Variants in RASGRF2 observed in about 807,000 individuals in gnomAD.
RASGRF2 encodes the protein ras-specific guanine nucleotide-releasing factor 2.
RASGRF2 carries 76 observed loss-of-function variants against 151.0 expected under a neutral mutation model. The ratio of observed to expected loss-of-function variants is 0.50; its 90% confidence interval spans 0.42 to 0.61. The LOEUF is 0.61. Ranked by LOEUF, RASGRF2 falls within the 20% of genes least tolerant of loss-of-function variation. The pLI is 0.00. For synonymous variants in RASGRF2, 504 were observed against 566.5 expected (o/e 0.89, Z 1.57); for missense variants, 1,148 against 1,564.6 (o/e 0.73, Z 4.49).
At chr5:81,052,508 T>A (rs1423874324) in intron 2 of RASGRF2, among the ~76,000 whole-genome samples, 1 of 152,198 alleles carries the variant, frequency 6.6e-6, no homozygotes, top group Admixed American at 6.5e-5. Flanking sequence ...TGATCTCTCT[T>A]AACTAAGATG....
At chr5:80,969,808 T>C (rs1178693937) in intron 1 of RASGRF2, among the ~76,000 whole-genome samples, 1 of 133,136 alleles carries the variant, frequency 7.5e-6, no homozygotes, top group Non-Finnish European at 1.6e-5. Flanking sequence ...CAATAATACT[T>C]CTTCTTCTTT....
intron 2 of RASGRF2, 41 bp from the exon 3 acceptor site, chr5:81,067,991 G>C (rs1348619680): frequency 6.5e-7 from 1 of 1,531,282 alleles, no homozygotes; most frequent in Non-Finnish European, 8.8e-7. Context: ...CTATATAGTA[G>C]AACAATATCT....
intron 1 of RASGRF2, among the ~76,000 whole-genome samples, chr5:81,006,953 C>G (rs933443333): frequency 7.9e-5 from 12 of 152,116 alleles, no homozygotes; most frequent in African/African-American, 2.9e-4. Context: ...TTCCTCGAGT[C>G]CATGGCATTC....
intron 1 of RASGRF2, among the ~76,000 whole-genome samples, chr5:81,039,399 G>T (rs548316190): frequency 6.6e-6 from 1 of 152,136 alleles, no homozygotes; most frequent in South Asian, 2.1e-4. Context: ...TGTATAATTT[G>T]GGCTAAAGAG....
chr5:81,108,706 C>A (rs1309593247), intron 12 of RASGRF2, among the ~76,000 whole-genome samples: 2 of 152,190 alleles, frequency 1.3e-5, no homozygotes, highest in East Asian at 3.8e-4. Flanking sequence ...GGTCAGAATT[C>A]TTGGGAAACA....
At chr5:81,221,938 TTGCACTCCAGCCTA>T (rs913212308) in intron 26 of RASGRF2, among the ~76,000 whole-genome samples, 4 of 151,600 alleles carry the variant, frequency 2.6e-5, no homozygotes, top group South Asian at 2.1e-4. Flanking sequence ...GATTGTGCCA[TTGCACTCCAGCCTA>T]TGCACTCCAG....
chr5:81,104,036 A>C (rs1015669101), intron 12 of RASGRF2, among the ~76,000 whole-genome samples: 2 of 152,118 alleles, frequency 1.3e-5, no homozygotes, highest in Non-Finnish European at 2.9e-5. Flanking sequence ...TAGTAAAATA[A>C]GAAAAGAGGA....
chr5:80,969,970 G>A (rs1747878501), intron 1 of RASGRF2, among the ~76,000 whole-genome samples: 1 of 151,706 alleles, frequency 6.6e-6, no homozygotes, highest in South Asian at 2.1e-4. Context: ...GGGATTACAG[G>A]CATGCACCAC....
intron 1 of RASGRF2, among the ~76,000 whole-genome samples, chr5:81,021,512 T>C (rs1032182836): frequency 4.8e-4 from 73 of 152,146 alleles, no homozygotes; most frequent in African/African-American, 1.7e-3. Flanking sequence ...CTCACTAAAA[T>C]AGTGCCATAG....
In RASGRF2 at chr5:81,163,779, G is replaced by A. The variant is rs545985872; in HGVS notation, c.2687-16396G>A. On this transcript the variant is annotated intron_variant, in intron 17 of 26. Coordinates refer to ENST00000265080, the MANE Select transcript of RASGRF2 (RefSeq NM_006909.3). ...ATCAGAGAGCTAGACTGGCCACTAC[G>A]CTGGGAGGCATTTACTCATTCAAGA... Among the ~76,000 whole-genome samples, 8 of 152,236 alleles carry A rather than the reference G, an allele frequency of 5.3e-5. No homozygotes were observed. In the South Asian group the frequency reaches 8.3e-4, roughly 16 times the overall value.
At chr5:81,197,964 C>T (rs2112707915) in intron 18 of RASGRF2, among the ~76,000 whole-genome samples, 1 of 151,894 alleles carries the variant, frequency 6.6e-6, no homozygotes, top group East Asian at 1.9e-4. Context: ...TTCTTTTTTT[C>T]CCAACATTTA....
At chr5:81,040,636 G>A (rs1750649393) in intron 1 of RASGRF2, among the ~76,000 whole-genome samples, 1 of 151,970 alleles carries the variant, frequency 6.6e-6, no homozygotes, top group Admixed American at 6.6e-5. Flanking sequence ...GACCATGGGG[G>A]CCAAGGCCCC....
intron 17 of RASGRF2, among the ~76,000 whole-genome samples, chr5:81,167,317 C>T (rs969523088): frequency 2.0e-5 from 3 of 152,176 alleles, no homozygotes; most frequent in Non-Finnish European, 4.4e-5. Context: ...GGAGGCCAAC[C>T]AAGACGTAGC....
At chr5:81,062,177 G>C (rs1374174697) in intron 2 of RASGRF2, among the ~76,000 whole-genome samples, 1 of 151,956 alleles carries the variant, frequency 6.6e-6, no homozygotes, top group Non-Finnish European at 1.5e-5. Flanking sequence ...TTAGTCATTT[G>C]TTTATTACAT....
At chr5:80,981,167 TTTG>T (rs1348316890) in intron 1 of RASGRF2, among the ~76,000 whole-genome samples, 11 of 152,194 alleles carry the variant, frequency 7.2e-5, no homozygotes, top group Non-Finnish European at 1.3e-4. Flanking sequence ...CATTAAGACT[TTTG>T]TTGTTGTTCT....
At chr5:81,147,225 A>C (rs7731532) in intron 17 of RASGRF2, among the ~76,000 whole-genome samples, 1 of 152,240 alleles carries the variant, frequency 6.6e-6, no homozygotes, top group African/African-American at 2.4e-5. Flanking sequence ...ATATAGTTTC[A>C]AATTATTTCA....
intron 1 of RASGRF2, among the ~76,000 whole-genome samples, chr5:80,972,490 TTTC>T (rs1432144694): frequency 1.3e-5 from 2 of 152,064 alleles, no homozygotes; most frequent in African/African-American, 4.8e-5. Context: ...TCTCTGTTTT[TTTC>T]TTCTGAGCCA....
At position 81,127,108 on chromosome 5, in the gene RASGRF2, A is replaced by G. The variant is rs756462810; in HGVS notation, c.2631A>G (p.Ser877=). 7 of 1,614,084 alleles carry G rather than the reference A, an allele frequency of 4.3e-6. No homozygotes were observed. The highest frequency in any genetic ancestry group is 5.9e-6 in the Non-Finnish European group (7 of 1,179,972). ...CGGACAATGCCCACTGCTCTGTTTCACCGGCTTCTGCTTTTGCAATAGCCA... is the reference window on the plus strand; with the variant it reads ...CGGACAATGCCCACTGCTCTGTTTCGCCGGCTTCTGCTTTTGCAATAGCCA... ...QTADNAHCSV[S]PASAFAIATA... The change falls in exon 17 of 27, where the codon TCA becomes TCG. Residue 877 remains serine, a synonymous_variant. Transcript: ENST00000265080.
chr5:81,084,058 T>G (rs913731387), intron 7 of RASGRF2, among the ~76,000 whole-genome samples: 1 of 152,232 alleles, frequency 6.6e-6, no homozygotes, highest in African/African-American at 2.4e-5. Flanking sequence ...CAGTGCCTGT[T>G]TGTTCCTTCA....
Sources: allele counts gnomAD v4.1 joint callset (sites outside exome capture counted in the v4.1 genomes callset), GRCh38; gene constraint gnomAD v4.1.1; transcripts MANE v1.5; gene names NCBI Gene and HGNC (gene_info 2026-07-23, HGNC 2026-07-21).